Variants in CLIP3 observed in about 807,000 individuals in gnomAD.
CLIP3 encodes the protein CAP-Gly domain containing linker protein 3, also known as CAP-Gly domain-containing linker protein 3.
Under a neutral mutation model 59.4 loss-of-function variants are expected in CLIP3, and 15 were observed. That is an observed-to-expected ratio of 0.25 (90% CI 0.17 to 0.39). The LOEUF is 0.39. Among genes scored for constraint, CLIP3 ranks in the 10% least tolerant of loss-of-function variants. CLIP3 has a pLI of 1.00. For missense variants in CLIP3, 495 were observed against 765.7 expected, an observed-to-expected ratio of 0.65 and a Z score of 4.17; for synonymous variants, 300 against 321.6, an observed-to-expected ratio of 0.93 and a Z score of 0.72.
At position 36,027,277 on chromosome 19, in the gene CLIP3, G is replaced by A; in HGVS notation, c.167-6C>T. ...GGGATCGAAGAAGGTGAAAGCTGGG[G>A]TGGCAAGAGGTCCAAGGTCACCCCA... On this transcript the variant is annotated splice_polypyrimidine_tract_variant and splice_region_variant and intron_variant, in intron 2 of 13. Transcript: ENST00000360535. 6.3e-7 allele frequency: 1 copy of A among 1,593,728 alleles called. No individual in the cohort carries two copies. Among genetic ancestry groups the A allele is most frequent in the Non-Finnish European group, 8.5e-7 (1 of 1,170,222 alleles).
chr19:36,026,311 C>T lies in CLIP3; in HGVS notation c.563-46G>A, dbSNP rs752630649. ...GGGTTCCGGGTGAGCGCCTGTGGGA[C>T]CCCAGCCCTCCTCCCACCTCGGGGC... is the stretch of plus-strand genomic sequence containing the variant. On this transcript the variant is annotated intron_variant, in intron 5 of 13. Coordinates refer to ENST00000360535, the MANE Select transcript of CLIP3 (RefSeq NM_015526.3). The surrounding 1 kb of genome is among the most constrained non-coding windows in gnomAD (Gnocchi z 6.3). The T allele has an allele frequency of 1.3e-6, 2 of 1,486,486 alleles. No homozygotes were observed. Among genetic ancestry groups the T allele is most frequent in the African/African-American group, 1.4e-5 (1 of 72,304 alleles). The allele number at this position is 1,486,486 out of a possible 1,614,324, so 92.1% of individuals were successfully genotyped here. A position where few individuals can be genotyped will look rare whatever the true frequency, so the allele number is the denominator to read the frequency against.
At chr19:36,019,927 C>T (rs1018902085) in intron 7 of CLIP3, among the ~76,000 whole-genome samples, 5 of 151,788 alleles carry the variant, frequency 3.3e-5, no homozygotes, top group African/African-American at 7.2e-5. Flanking sequence ...AAACTAAGGC[C>T]GGGTGTGGTG....
In CLIP3 at chr19:36,016,314, TG is replaced by T. The variant is rs562395270; in HGVS notation, c.1590-103del. 1,370 of 1,318,070 alleles carry T rather than the reference TG, an allele frequency of 1.0e-3. 16 individuals carry two copies. In the African/African-American group the frequency reaches 0.018, roughly 17 times the overall value. 81.6% of individuals were successfully genotyped at this position (1,318,070 alleles called of 1,614,324 possible). A position where few individuals can be genotyped will look rare whatever the true frequency, so the allele number is the denominator to read the frequency against. On this transcript the variant is annotated intron_variant, in intron 13 of 13. Transcript: ENST00000360535. This position sits in a 1 kb window ranked among gnomAD's most constrained non-coding sequence, Gnocchi z 4.1. ...CCCAGTGTTTGCTATCAGGCCTTTC[TG>T]GATTCTGCCTCTACCTCTCTGGCTG...
In CLIP3 at chr19:36,030,409, C is replaced by T. The variant is rs114661026; in HGVS notation, c.166+1783G>A. ...AACTTGTAGTCTCCCTGATCTACCT[C>T]TAGTGGGTGACATGTCCATGGATGC... On this transcript the variant is annotated intron_variant, in intron 2 of 13. Coordinates refer to ENST00000360535, the MANE Select transcript of CLIP3 (RefSeq NM_015526.3). Among the ~76,000 whole-genome samples the T allele has an allele frequency of 1.6e-3, 244 of 152,308 alleles. 3 individuals are homozygous for T. Among genetic ancestry groups the T allele is most frequent in the African/African-American group, 5.3e-3 (222 of 41,572 alleles).
intron 10 of CLIP3, 28 bp from the exon 11 acceptor site, chr19:36,017,806 CA>C: frequency 6.2e-7 from 1 of 1,614,156 alleles, no homozygotes; most frequent in Non-Finnish European, 8.5e-7. Context: ...CAGGATTTCT[CA>C]AGGCCCTGCC....
chr19:36,026,574 T>C lies in CLIP3; in HGVS notation c.562+12A>G. ...GTCCTTGCCCCCTCCCAGCCAGGGCTCTCCTCCTCACCTCGCGGCCTCGCA... is the reference window on the plus strand; with the variant it reads ...GTCCTTGCCCCCTCCCAGCCAGGGCCCTCCTCCTCACCTCGCGGCCTCGCA... On this transcript the variant is annotated intron_variant, in intron 5 of 13. Transcript: ENST00000360535. This position sits in a 1 kb window ranked among gnomAD's most constrained non-coding sequence, Gnocchi z 6.3. 6.2e-7 allele frequency: 1 copy of C among 1,612,832 alleles called. No homozygotes were observed. The highest frequency in any genetic ancestry group is 1.1e-5 in the South Asian group (1 of 91,046).
intron 2 of CLIP3, among the ~76,000 whole-genome samples, chr19:36,029,287 T>C (rs919944761): frequency 3.1e-5 from 4 of 130,994 alleles, no homozygotes; most frequent in African/African-American, 1.2e-4. Flanking sequence ...ACCATTGCAC[T>C]CCAGCCTGGA....
In CLIP3 at chr19:36,017,699, G is replaced by A. The variant is rs532160305; in HGVS notation, c.1407C>T (p.Cys469=). The change falls in exon 11 of 14, where the codon TGC becomes TGT. Residue 469 remains cysteine (C), a synonymous_variant. Transcript: ENST00000360535. ...GTGCGAAGACCCCATGCCTCGGGGG[G>A]CAAGTGAAGTACCGGACACCGAAGA... ...GSVFGVRYFT[C]PPRHGVFAPA... is the part of the protein sequence containing the mutation. The A allele has an allele frequency of 1.1e-4, 183 of 1,614,126 alleles. 2 individuals are homozygous for A. Among genetic ancestry groups the A allele is most frequent in the Middle Eastern group, 8.2e-4 (5 of 6,062 alleles).
chr19:36,025,147 G>A (rs1415539148), intron 6 of CLIP3, among the ~76,000 whole-genome samples: 1 of 152,066 alleles, frequency 6.6e-6, no homozygotes, highest in Non-Finnish European at 1.5e-5. Flanking sequence ...CCCAGGGCTG[G>A]GGGTGTGTCA....
intron 2 of CLIP3, among the ~76,000 whole-genome samples, chr19:36,031,092 G>A (rs1158652371): frequency 7.4e-6 from 1 of 134,516 alleles, no homozygotes; most frequent in Non-Finnish European, 1.5e-5. Flanking sequence ...CTCGATCTTG[G>A]GCAACCTCTG....
At chr19:36,024,371 G>T in intron 7 of CLIP3, 25 bp downstream of exon 7, 7 of 1,571,226 alleles carry the variant, frequency 4.5e-6, no homozygotes, top group Non-Finnish European at 6.1e-6. Flanking sequence ...CACCCACCAT[G>T]CAAACACACA....
At chr19:36,031,023 C>CTTTTTTTTTTTT (rs55762943) in intron 2 of CLIP3, among the ~76,000 whole-genome samples, 5 of 80,176 alleles carry the variant, frequency 6.2e-5, no homozygotes, top group Non-Finnish European at 1.2e-4. Flanking sequence ...TTTTTTTTTT[C>CTTTTTTTTTTTT]TTTTTTTTTT....
chr19:36,020,384 C>T (rs1172057965), intron 7 of CLIP3, among the ~76,000 whole-genome samples: 4 of 152,150 alleles, frequency 2.6e-5, no homozygotes, highest in African/African-American at 9.7e-5. Flanking sequence ...GGGAGGATCA[C>T]CTGAGGTCAG....
intron 12 of CLIP3, 105 bp downstream of exon 12, chr19:36,017,281 C>T: frequency 5.3e-6 from 6 of 1,141,482 alleles, no homozygotes; most frequent in Non-Finnish European, 6.6e-6. Flanking sequence ...CCCTGTGTCC[C>T]CAATTAAATA....
In CLIP3 at chr19:36,016,050, T is replaced by TAAC; in HGVS notation, c.*107_*108insGTT. The TAAC allele has an allele frequency of 8.5e-7, 1 of 1,178,502 alleles. No homozygotes were observed. The highest frequency in any genetic ancestry group is 1.3e-6 in the Non-Finnish European group (1 of 799,894). 73.0% of individuals were successfully genotyped at this position (1,178,502 alleles called of 1,614,324 possible). ...TCGAGGGCTGGCTAACAGGGGTCTC[T>TAAC]ACTCTGGATGTGTTACTGGGAATCT... On this transcript the variant is annotated 3_prime_UTR_variant, in exon 14 of 14. Coordinates refer to ENST00000360535, the MANE Select transcript of CLIP3 (RefSeq NM_015526.3). This position sits in a 1 kb window ranked among gnomAD's most constrained non-coding sequence, Gnocchi z 4.1.
intron 2 of CLIP3, among the ~76,000 whole-genome samples, chr19:36,030,159 G>A (rs1455925625): frequency 6.6e-6 from 1 of 152,082 alleles, no homozygotes; most frequent in Non-Finnish European, 1.5e-5. Context: ...AGGCTCAAGT[G>A]ATCCTCCCAC....
intron 2 of CLIP3, among the ~76,000 whole-genome samples, chr19:36,028,063 G>A (rs779224531): frequency 2.6e-5 from 4 of 152,062 alleles, no homozygotes; most frequent in South Asian, 2.1e-4. Flanking sequence ...GAGGCTGTGC[G>A]CGGTGGCTCA....
chr19:36,026,258 G>A lies in CLIP3; in HGVS notation c.570C>T (p.Asn190=), dbSNP rs774728092. 3.5e-5 allele frequency: 57 copies of A among 1,611,868 alleles called. No homozygotes were observed. Among genetic ancestry groups the A allele is most frequent in the Non-Finnish European group, 4.2e-5 (50 of 1,178,694 alleles). Reference sequence around the variant, plus strand: ...CGTGGTTGAAGTCACTGCACGTGGAGTTCACCACTGGAAGTGGGCAAGAGG... The same window carrying A: ...CGTGGTTGAAGTCACTGCACGTGGAATTCACCACTGGAAGTGGGCAAGAGG... ...LLKGARPRVV[N]STCSDFNHGS... The change falls in exon 6 of 14, where the codon AAC becomes AAT. Residue 190 remains asparagine, a synonymous_variant. Coordinates refer to ENST00000360535, the MANE Select transcript of CLIP3 (RefSeq NM_015526.3). The surrounding 1 kb of genome is among the most constrained non-coding windows in gnomAD (Gnocchi z 6.3).
At position 36,016,289 on chromosome 19, in the gene CLIP3, C is replaced by G. The variant is rs1039631376; in HGVS notation, c.1590-77G>C. On this transcript the variant is annotated intron_variant, in intron 13 of 13. Coordinates refer to ENST00000360535, the MANE Select transcript of CLIP3 (RefSeq NM_015526.3). The surrounding 1 kb of genome is among the most constrained non-coding windows in gnomAD (Gnocchi z 4.1). ...TGCACCCATCACCCCCAGCCTTTCC[C>G]CCAGTGTTTGCTATCAGGCCTTTCT... 6.5e-7 allele frequency: 1 copy of G among 1,544,012 alleles called. No homozygotes were observed. Among genetic ancestry groups the G allele is most frequent in the African/African-American group, 1.4e-5 (1 of 73,446 alleles).
Sources: allele counts gnomAD v4.1 joint callset (sites outside exome capture counted in the v4.1 genomes callset), GRCh38; gene constraint gnomAD v4.1.1; non-coding constraint Gnocchi (gnomAD v3.1); transcripts MANE v1.5; gene names NCBI Gene and HGNC (gene_info 2026-07-23, HGNC 2026-07-21).